Variants in SLC16A9 observed in about 807,000 individuals in gnomAD.
The protein encoded by SLC16A9 is solute carrier family 16 member 9.
Under a neutral mutation model 44.3 loss-of-function variants are expected in SLC16A9, and 26 were observed. The ratio of observed to expected loss-of-function variants is 0.59; its 90% confidence interval spans 0.43 to 0.81. The LOEUF (loss-of-function observed/expected upper bound fraction) is 0.81. Among genes scored for constraint, SLC16A9 ranks in the 40% least tolerant of loss-of-function variants. SLC16A9 has a pLI of 0.00. For synonymous variants in SLC16A9, 230 were observed against 225.1 expected (o/e 1.02, Z -0.19); for missense variants, 559 against 595.8 (o/e 0.94, Z 0.64).
In SLC16A9 at chr10:59,680,181, GACAA is replaced by G. The variant is rs200824564; in HGVS notation, c.196+3911_196+3914del. Among the ~76,000 whole-genome samples, 543 of 152,190 alleles carry G rather than the reference GACAA, an allele frequency of 3.6e-3. 3 individuals are homozygous for G. Among genetic ancestry groups the G allele is most frequent in the African/African-American group, 0.012 (511 of 41,514 alleles). ...CTTTATTCATCCCAGGGATTATCTG[GACAA>G]ACAAAGAATTCAAGCAAGGGGAAGA... is the stretch of plus-strand genomic sequence containing the variant. On this transcript the variant is annotated intron_variant, in intron 2 of 5. Coordinates refer to ENST00000395348, the MANE Select transcript of SLC16A9 (RefSeq NM_194298.3).
chr10:59,686,762 T>C (rs1304543781), intron 1 of SLC16A9, among the ~76,000 whole-genome samples: 1 of 152,218 alleles, frequency 6.6e-6, no homozygotes, highest in African/African-American at 2.4e-5. Flanking sequence ...TTATATGTCT[T>C]AAATTTTTAT....
intron 3 of SLC16A9, among the ~76,000 whole-genome samples, chr10:59,666,560 G>A (rs1330514640): frequency 6.6e-6 from 1 of 152,014 alleles, no homozygotes; most frequent in Admixed American, 6.6e-5. Flanking sequence ...ACAAACTAAG[G>A]TATTCCTAAG....
chr10:59,670,278 C>T (rs1479475570), intron 3 of SLC16A9, among the ~76,000 whole-genome samples: 1 of 152,062 alleles, frequency 6.6e-6, no homozygotes, highest in African/African-American at 2.4e-5. Context: ...ATATCAGTGC[C>T]ATTTTATAAA....
chr10:59,696,849 G>C (rs1274162541), intron 1 of SLC16A9, among the ~76,000 whole-genome samples: 1 of 151,512 alleles, frequency 6.6e-6, no homozygotes, highest in Non-Finnish European at 1.5e-5. Flanking sequence ...TCTGAGAAGC[G>C]AGGAGCCCCT....
intron 4 of SLC16A9, among the ~76,000 whole-genome samples, chr10:59,657,186 T>C (rs910013335): frequency 6.6e-6 from 1 of 152,244 alleles, no homozygotes; most frequent in African/African-American, 2.4e-5. Flanking sequence ...TTTCACGTAT[T>C]ATGAATATTC....
chr10:59,654,404 G>A lies in SLC16A9; in HGVS notation c.622C>T (p.Pro208Ser). 1 of 1,613,624 alleles carries A rather than the reference G, an allele frequency of 6.2e-7. No homozygotes were observed. The change falls in exon 5 of 6, where the codon CCA becomes TCA. Residue 208 changes from proline to serine, a missense_variant. Physicochemically the swap from Pro to Ser is moderately conservative, Grantham distance 74. Transcript: ENST00000395348. Reference protein sequence around the residue: ...LPKKIAPEDLPDKYSIYNEKG... With the variant: ...LPKKIAPEDLSDKYSIYNEKG... ...TCATTGTAAATGGAGTATTTATCTG[G>A]TAGATCTTCTGGAGCTATTTTTTTA...
At chr10:59,704,303 C>G (rs1315983003) in intron 1 of SLC16A9, among the ~76,000 whole-genome samples, 1 of 152,188 alleles carries the variant, frequency 6.6e-6, no homozygotes, top group African/African-American at 2.4e-5. Context: ...TGCCCCCAGT[C>G]TTCTTTGCTC....
Position 59,707,316 on chromosome 10 carries a change from AGGGAAGGGAAGGGAAGGGAG to A in SLC16A9, c.-37+2143_-37+2162del, listed in dbSNP as rs1564716868. On this transcript the variant is annotated intron_variant, in intron 1 of 5. Transcript: ENST00000395348. ...AGGGAAGGGAAGGGAAGGGAAGGGA[AGGGAAGGGAAGGGAAGGGAG>A]GGGAAGGGAGGGGAAGGGAAGGGAA... 4.9e-4 allele frequency among the ~76,000 whole-genome samples: 42 copies of A among 84,930 alleles called. No individual in the cohort carries two copies. In the East Asian group the frequency reaches 0.015, roughly 31 times the overall value. The allele number at this position is 84,930 out of a possible 152,430, so 55.7% of individuals were successfully genotyped here.
intron 1 of SLC16A9, among the ~76,000 whole-genome samples, chr10:59,690,928 T>C (rs1449776837): frequency 3.3e-5 from 5 of 151,848 alleles, no homozygotes; most frequent in Non-Finnish European, 5.9e-5. Context: ...TACTAAAAAA[T>C]ACAAAAATTA....
At chr10:59,676,602 T>G (rs1411724791) in intron 2 of SLC16A9, among the ~76,000 whole-genome samples, 1 of 152,178 alleles carries the variant, frequency 6.6e-6, no homozygotes, top group Non-Finnish European at 1.5e-5. Context: ...GGGTTCCTAA[T>G]GTTTTATTTT....
At chr10:59,698,284 T>A (rs1052875326) in intron 1 of SLC16A9, among the ~76,000 whole-genome samples, 1 of 152,218 alleles carries the variant, frequency 6.6e-6, no homozygotes, top group Non-Finnish European at 1.5e-5. Context: ...ATATGACTTT[T>A]TTTTCCTAAG....
rs1839181477 is a variant in SLC16A9 at position 59,650,916 on chromosome 10, A to G, written c.*1856T>C. ...ATATGAAGATGTCACATCAAAGTCAAACTTTTTCAGGTTATTGGGTTTCCT... is the reference window on the plus strand; with the variant it reads ...ATATGAAGATGTCACATCAAAGTCAGACTTTTTCAGGTTATTGGGTTTCCT... On this transcript the variant is annotated 3_prime_UTR_variant, in exon 6 of 6. Coordinates refer to ENST00000395348, the MANE Select transcript of SLC16A9 (RefSeq NM_194298.3). 6.6e-6 allele frequency: 1 copy of G among 152,220 alleles called. No individual in the cohort carries two copies. The highest frequency in any genetic ancestry group is 2.4e-5 in the African/African-American group (1 of 41,456). The allele number at this position is 152,220 out of a possible 1,614,324, so 9.4% of individuals were successfully genotyped here. A position where few individuals can be genotyped will look rare whatever the true frequency, so the allele number is the denominator to read the frequency against.
intron 2 of SLC16A9, among the ~76,000 whole-genome samples, chr10:59,682,432 G>A (rs1004551109): frequency 3.3e-5 from 5 of 152,130 alleles, no homozygotes; most frequent in South Asian, 2.1e-4. Context: ...CTTGGAAAAC[G>A]TGTAGAGCTG....
rs1280706609 is a variant in SLC16A9 at position 59,678,599 on chromosome 10, A to G, written c.196+5497T>C. Among the ~76,000 whole-genome samples the G allele has an allele frequency of 1.3e-4, 14 of 105,934 alleles. 1 individual carries two copies. Among genetic ancestry groups the G allele is most frequent in the African/African-American group, 4.8e-4 (14 of 29,432 alleles). The allele number at this position is 105,934 out of a possible 152,430, so 69.5% of individuals were successfully genotyped here. A position where few individuals can be genotyped will look rare whatever the true frequency, so the allele number is the denominator to read the frequency against. ...TCGCCCAGGCCGGACTGCGGACTGC[A>G]GTGGCGCAATCTCGGCTCACTGCAA... On this transcript the variant is annotated intron_variant, in intron 2 of 5. Coordinates refer to ENST00000395348, the MANE Select transcript of SLC16A9 (RefSeq NM_194298.3).
intron 2 of SLC16A9, among the ~76,000 whole-genome samples, chr10:59,676,077 C>T (rs1839852488): frequency 2.0e-5 from 3 of 152,180 alleles, no homozygotes; most frequent in South Asian, 2.1e-4. Flanking sequence ...ATGGATTCAC[C>T]ACTGGTAATG....
At chr10:59,707,413 G>GT (rs1840668863) in intron 1 of SLC16A9, among the ~76,000 whole-genome samples, 2 of 151,650 alleles carry the variant, frequency 1.3e-5, no homozygotes, top group African/African-American at 4.8e-5. Flanking sequence ...TAGAACCCTG[G>GT]TTACCAGTAG....
At chr10:59,653,200 A>G (rs1041005441) in intron 5 of SLC16A9, among the ~76,000 whole-genome samples, 2 of 151,788 alleles carry the variant, frequency 1.3e-5, no homozygotes. Flanking sequence ...CGGGCGGATC[A>G]CGAGGTCAGG....
intron 1 of SLC16A9, chr10:59,708,582 A>C (rs1490445299): frequency 2.0e-5 from 3 of 152,246 alleles, no homozygotes; most frequent in African/African-American, 7.2e-5. Context: ...AAATTGACCA[A>C]AAATGTTATA....
intron 1 of SLC16A9, among the ~76,000 whole-genome samples, chr10:59,690,891 C>T (rs1269861935): frequency 6.6e-6 from 1 of 152,074 alleles, no homozygotes. Context: ...CCAGACCAGC[C>T]TGGCCAACAT....
Sources: allele counts gnomAD v4.1 joint callset (sites outside exome capture counted in the v4.1 genomes callset), GRCh38; gene constraint gnomAD v4.1.1; transcripts MANE v1.5; gene names NCBI Gene and HGNC (gene_info 2026-07-23, HGNC 2026-07-21).